Variants in PRKCA observed in about 807,000 individuals in gnomAD.
PRKCA encodes protein kinase C alpha type.
Under a neutral mutation model 87.0 loss-of-function variants are expected in PRKCA, and 27 were observed. That is an observed-to-expected ratio of 0.31 (90% CI 0.23 to 0.43). The LOEUF is 0.43. Ranked by LOEUF, PRKCA falls within the 20% of genes least tolerant of loss-of-function variation. The probability of loss-of-function intolerance (pLI) is 1.00; values close to 1 mark genes in which losing one functional copy is unlikely to be tolerated. For missense variants in PRKCA, 518 were observed against 852.3 expected, an observed-to-expected ratio of 0.61 and a Z score of 4.88; for synonymous variants, 329 against 311.1, an observed-to-expected ratio of 1.06 and a Z score of -0.61.
chr17:66,406,722 G>A (rs928681035), intron 2 of PRKCA, among the ~76,000 whole-genome samples: 3 of 151,408 alleles, frequency 2.0e-5, no homozygotes, highest in Non-Finnish European at 4.4e-5. Context: ...ATCCGTTTGG[G>A]TGGTTGGAGC....
chr17:66,499,849 T>C (rs747924387), intron 3 of PRKCA, among the ~76,000 whole-genome samples: 1 of 152,182 alleles, frequency 6.6e-6, no homozygotes, highest in African/African-American at 2.4e-5. Context: ...CAAAAGATCA[T>C]GCATTCACCC....
intron 13 of PRKCA, among the ~76,000 whole-genome samples, chr17:66,755,872 C>T (rs9913230): frequency 0.079 from 12,011 of 152,154 alleles, 524 homozygotes; most frequent in African/African-American, 0.11. Context: ...GTAGAATTCT[C>T]GCCTCCCTAG....
chr17:66,672,471 A>G (rs956395352), intron 5 of PRKCA, among the ~76,000 whole-genome samples: 1 of 152,220 alleles, frequency 6.6e-6, no homozygotes, highest in Non-Finnish European at 1.5e-5. Context: ...TAATTTGGCA[A>G]TGTATGCCAA....
chr17:66,606,376 G>A (rs1970209663), intron 3 of PRKCA, among the ~76,000 whole-genome samples: 1 of 152,158 alleles, frequency 6.6e-6, no homozygotes, highest in Admixed American at 6.6e-5. Flanking sequence ...TGGTAACAGA[G>A]TGAGACTCCG....
At chr17:66,310,472 C>T (rs1259324407) in intron 2 of PRKCA, among the ~76,000 whole-genome samples, 3 of 152,168 alleles carry the variant, frequency 2.0e-5, no homozygotes, top group Non-Finnish European at 4.4e-5. Context: ...CTGCTAAGAA[C>T]ATAACACATA....
chr17:66,472,083 C>T (rs1041360811), intron 2 of PRKCA, among the ~76,000 whole-genome samples: 1 of 152,158 alleles, frequency 6.6e-6, no homozygotes, highest in Non-Finnish European at 1.5e-5. Flanking sequence ...CCTGCCTCAG[C>T]CTTCAGAGTA....
intron 2 of PRKCA, among the ~76,000 whole-genome samples, chr17:66,348,635 G>A (rs898702008): frequency 3.9e-5 from 6 of 152,168 alleles, no homozygotes; most frequent in African/African-American, 1.4e-4. Context: ...ACTCTTATTT[G>A]TCTTGGAGAA....
At chr17:66,325,651 A>G (rs140159326) in intron 2 of PRKCA, among the ~76,000 whole-genome samples, 8 of 152,280 alleles carry the variant, frequency 5.3e-5, no homozygotes, top group Non-Finnish European at 1.2e-4. Flanking sequence ...CAGGAGGCTA[A>G]TGTTCCTAAA....
intron 2 of PRKCA, among the ~76,000 whole-genome samples, chr17:66,451,845 T>C (rs1409824054): frequency 1.3e-5 from 2 of 152,206 alleles, no homozygotes; most frequent in African/African-American, 2.4e-5. Context: ...CTGTACAATT[T>C]GGCTAACTCT....
chr17:66,650,947 G>C (rs1971576502), intron 5 of PRKCA, among the ~76,000 whole-genome samples: 3 of 152,142 alleles, frequency 2.0e-5, no homozygotes, highest in Non-Finnish European at 1.5e-5. Context: ...AGATGATTAA[G>C]ACCTAGACCG....
chr17:66,705,545 A>G (rs1973170442), intron 8 of PRKCA, among the ~76,000 whole-genome samples: 1 of 152,238 alleles, frequency 6.6e-6, no homozygotes, highest in Admixed American at 6.5e-5. Flanking sequence ...CTGAAACAGC[A>G]TAAAAGCCCT....
chr17:66,775,217 G>A, intron 14 of PRKCA: 1 of 969,036 alleles, frequency 1.0e-6, no homozygotes, highest in Non-Finnish European at 1.2e-6. Context: ...GTCCCATGTG[G>A]GGGTGGGGCA....
At chr17:66,506,807 A>G (rs752208188) in intron 3 of PRKCA, among the ~76,000 whole-genome samples, 2 of 152,212 alleles carry the variant, frequency 1.3e-5, no homozygotes, top group East Asian at 3.8e-4. Context: ...GGGATCAACA[A>G]TTGGTATGAT....
chr17:66,731,462 G>T (rs1358550587), intron 8 of PRKCA, among the ~76,000 whole-genome samples: 1 of 151,988 alleles, frequency 6.6e-6, no homozygotes, highest in Non-Finnish European at 1.5e-5. Flanking sequence ...CCTGTCAGCA[G>T]CTGACGCTTC....
intron 2 of PRKCA, among the ~76,000 whole-genome samples, chr17:66,405,316 C>T (rs1217215868): frequency 6.6e-6 from 1 of 152,212 alleles, no homozygotes; most frequent in Non-Finnish European, 1.5e-5. Context: ...GTTTTCTGCT[C>T]ACTTCTCATT....
chr17:66,313,292 G>A (rs1415324359), intron 2 of PRKCA, among the ~76,000 whole-genome samples: 1 of 152,142 alleles, frequency 6.6e-6, no homozygotes, highest in Non-Finnish European at 1.5e-5. Flanking sequence ...TTTTTTTAAA[G>A]CAAGTTTATA....
chr17:66,735,216 T>C (rs2144211527), intron 9 of PRKCA, among the ~76,000 whole-genome samples: 1 of 152,338 alleles, frequency 6.6e-6, no homozygotes, highest in East Asian at 1.9e-4. Context: ...ATGTTGAGTA[T>C]TCATTTTAGC....
intron 3 of PRKCA, among the ~76,000 whole-genome samples, chr17:66,510,918 C>T (rs747539786): frequency 2.0e-5 from 3 of 151,918 alleles, no homozygotes; most frequent in East Asian, 1.9e-4. Flanking sequence ...GGCTAATTTT[C>T]GTGTTTTTTG....
chr17:66,389,262 G>T (rs920160159), intron 2 of PRKCA, among the ~76,000 whole-genome samples: 1 of 152,182 alleles, frequency 6.6e-6, no homozygotes, highest in African/African-American at 2.4e-5. Context: ...AATACAGAAA[G>T]GCTGGCCTTG....
Sources: gnomAD v4.1 joint callset for allele counts (sites outside exome capture counted in the v4.1 genomes callset) on GRCh38, gnomAD v4.1.1 for gene constraint, MANE v1.5 for transcripts, NCBI Gene and HGNC (gene_info 2026-07-23, HGNC 2026-07-21) for gene names.